LTBP1: variants seen among roughly 807,000 people sequenced by gnomAD.
The protein encoded by LTBP1 is latent-transforming growth factor beta-binding protein 1.
LTBP1 carries 129 observed loss-of-function variants against 207.6 expected under a neutral mutation model. The observed-to-expected ratio is 0.62, with a 90% CI of 0.54 to 0.72. The LOEUF is 0.72. Among genes scored for constraint, LTBP1 ranks in the 30% least tolerant of loss-of-function variants. LTBP1 has a pLI of 0.00. For synonymous variants in LTBP1, 963 were observed against 833.7 expected (o/e 1.16, Z -2.67); for missense variants, 2,281 against 2,217.2 (o/e 1.03, Z -0.58).
chr2:33,049,239 C>T (rs1227915678), intron 3 of LTBP1, among the ~76,000 whole-genome samples: 1 of 152,092 alleles, frequency 6.6e-6, no homozygotes, highest in African/African-American at 2.4e-5. Flanking sequence ...GAGTTTAAAA[C>T]CCAATAAAAA....
At chr2:33,203,514 T>C (rs2089551754) in intron 7 of LTBP1, among the ~76,000 whole-genome samples, 1 of 152,194 alleles carries the variant, frequency 6.6e-6, no homozygotes, top group Admixed American at 6.5e-5. Flanking sequence ...CCCAGGTAGA[T>C]GTCTTCTGGG....
At chr2:33,244,048 C>T (rs1335504417) in intron 10 of LTBP1, among the ~76,000 whole-genome samples, 1 of 152,106 alleles carries the variant, frequency 6.6e-6, no homozygotes, top group Admixed American at 6.5e-5. Context: ...AGGAAATATG[C>T]TTTGATGAAA....
chr2:33,347,549 C>G, intron 26 of LTBP1, 39 bp downstream of exon 26: 1 of 1,611,858 alleles, frequency 6.2e-7, no homozygotes, highest in Admixed American at 1.7e-5. Context: ...ATGACAGGCT[C>G]CTCTCAAAGA....
At chr2:33,021,976 A>G (rs758272404) in intron 3 of LTBP1, among the ~76,000 whole-genome samples, 9 of 152,232 alleles carry the variant, frequency 5.9e-5, no homozygotes, top group Admixed American at 3.9e-4. Context: ...ATGTACTGCA[A>G]CTATCACTTG....
At chr2:33,369,068 G>T (rs772161455) in intron 31 of LTBP1, among the ~76,000 whole-genome samples, 8 of 151,712 alleles carry the variant, frequency 5.3e-5, no homozygotes, top group Non-Finnish European at 1.2e-4. Flanking sequence ...TGCATAAATT[G>T]TTTTCAACTA....
intron 30 of LTBP1, 136 bp from the exon 31 acceptor site, chr2:33,365,197 G>C (rs941741395): frequency 3.4e-5 from 24 of 711,888 alleles, no homozygotes; most frequent in Admixed American, 5.1e-5. Context: ...TGAAAGACCA[G>C]ACTGGATTCA....
intron 3 of LTBP1, among the ~76,000 whole-genome samples, chr2:33,060,128 C>T (rs963832495): frequency 6.6e-6 from 1 of 152,070 alleles, no homozygotes; most frequent in African/African-American, 2.4e-5. Flanking sequence ...CATTTCACTC[C>T]CACATATTTT....
At chr2:33,143,394 C>T (rs1020543930) in intron 5 of LTBP1, among the ~76,000 whole-genome samples, 5 of 152,156 alleles carry the variant, frequency 3.3e-5, no homozygotes, top group African/African-American at 7.2e-5. Flanking sequence ...ATTGTTTATG[C>T]GGCTGCCTGG....
At chr2:33,206,536 C>G (rs922837098) in intron 7 of LTBP1, among the ~76,000 whole-genome samples, 3 of 152,058 alleles carry the variant, frequency 2.0e-5, no homozygotes, top group South Asian at 4.1e-4. Flanking sequence ...GTTAGGAGAT[C>G]GAGACCATCC....
chr2:33,206,269 A>C (rs959859320), intron 7 of LTBP1, among the ~76,000 whole-genome samples: 8 of 152,216 alleles, frequency 5.3e-5, no homozygotes, highest in African/African-American at 1.9e-4. Flanking sequence ...GGTAATTATT[A>C]GTTTTGAGTT....
At chr2:33,258,688 C>T (rs912728772) in intron 12 of LTBP1, among the ~76,000 whole-genome samples, 7 of 152,158 alleles carry the variant, frequency 4.6e-5, no homozygotes, top group Admixed American at 2.0e-4. Context: ...AGACCTTCTT[C>T]GTGGTAGGTT....
chr2:33,170,055 C>T (rs4670184), intron 5 of LTBP1, among the ~76,000 whole-genome samples: 80,091 of 151,966 alleles, frequency 0.53, 21,306 homozygotes, highest in Middle Eastern at 0.61. Context: ...AGCTCTGGTC[C>T]ACAGCTCCCA....
At chr2:33,047,756 C>T (rs1450057732) in intron 3 of LTBP1, among the ~76,000 whole-genome samples, 1 of 152,138 alleles carries the variant, frequency 6.6e-6, no homozygotes, top group Non-Finnish European at 1.5e-5. Flanking sequence ...GTCTAAGTCT[C>T]TTTTAGGTCT....
At position 33,134,447 on chromosome 2, in the gene LTBP1, A is replaced by T; in HGVS notation, c.1034-346A>T. The T allele has an allele frequency of 1.2e-6, 1 of 837,774 alleles. No homozygotes were observed. Among genetic ancestry groups the T allele is most frequent in the Non-Finnish European group, 1.8e-6 (1 of 545,240 alleles). 51.9% of individuals were successfully genotyped at this position (837,774 alleles called of 1,614,324 possible). A position where few individuals can be genotyped will look rare whatever the true frequency, so the allele number is the denominator to read the frequency against. On this transcript the variant is annotated intron_variant, in intron 4 of 33. Transcript: ENST00000404816. The surrounding 1 kb of genome is among the most constrained non-coding windows in gnomAD (Gnocchi z 4.4). ...ATCTGCCTGTCAGGGTTGGCTCTTT[A>T]ATCTGTCGTGCCCTCGGTATTGCTC...
At chr2:32,972,537 C>A (rs1681059304) in intron 2 of LTBP1, among the ~76,000 whole-genome samples, 1 of 152,118 alleles carries the variant, frequency 6.6e-6, no homozygotes, top group Admixed American at 6.6e-5. Context: ...ATCCAGAAGT[C>A]ATTCAGGAGC....
chr2:33,074,398 C>T (rs955522899), intron 3 of LTBP1, among the ~76,000 whole-genome samples: 1 of 151,044 alleles, frequency 6.6e-6, no homozygotes, highest in African/African-American at 2.4e-5. Flanking sequence ...AGGCCCTGTA[C>T]TAGGGTAGAG....
intron 3 of LTBP1, among the ~76,000 whole-genome samples, chr2:33,027,206 C>T (rs1164312695): frequency 2.6e-5 from 4 of 152,038 alleles, no homozygotes; most frequent in Non-Finnish European, 2.9e-5. Context: ...CTCTTTTTAT[C>T]CCAGATTGAC....
chr2:33,118,780 G>T (rs1279022504), intron 4 of LTBP1, among the ~76,000 whole-genome samples: 5 of 152,136 alleles, frequency 3.3e-5, no homozygotes, highest in Non-Finnish European at 2.9e-5. Context: ...CTGGGTTAGG[G>T]CGTGGAGGGG....
At chr2:33,006,134 C>G (rs1026687209) in intron 2 of LTBP1, among the ~76,000 whole-genome samples, 9 of 151,636 alleles carry the variant, frequency 5.9e-5, no homozygotes, top group African/African-American at 2.2e-4. Context: ...GAGATCGTGG[C>G]TTGGTCTCAA....
Sources: gnomAD v4.1 joint callset for allele counts (sites outside exome capture counted in the v4.1 genomes callset) on GRCh38, gnomAD v4.1.1 for gene constraint, Gnocchi (gnomAD v3.1) non-coding constraint, MANE v1.5 for transcripts, NCBI Gene and HGNC (gene_info 2026-07-23, HGNC 2026-07-21) for gene names.